Variants in XRCC2 observed in about 807,000 individuals in gnomAD.
The protein encoded by XRCC2 is X-ray repair cross complementing 2, also known as DNA repair protein XRCC2.
In XRCC2, 24 loss-of-function variants were observed where a neutral mutation model predicts 27.3. That is an observed-to-expected ratio of 0.88 (90% confidence interval 0.64 to 1.24). The LOEUF (loss-of-function observed/expected upper bound fraction) is 1.24, where lower values mean the gene tolerates loss of function less well. XRCC2 is among the 50% of genes most tolerant of loss of function. XRCC2 has a pLI of 0.00. For missense variants in XRCC2, 321 were observed against 325.8 expected, an observed-to-expected ratio of 0.99 and a Z score of 0.11; for synonymous variants, 106 against 115.4, an observed-to-expected ratio of 0.92 and a Z score of 0.52.
At chr7:152,649,410 T>C (rs1186627273) in intron 2 of XRCC2, 47 bp from the exon 3 acceptor site, 29 of 1,508,606 alleles carry the variant, frequency 1.9e-5, no homozygotes, top group Non-Finnish European at 2.6e-5. Context: ...AGCTCAAGGG[T>C]AGGTTACAAA....
chr7:152,649,203 T>C lies in XRCC2; in HGVS notation c.282A>G (p.Thr94=), dbSNP rs376598559. The C allele has an allele frequency of 1.5e-4, 236 of 1,613,734 alleles. No individual in the cohort carries two copies. The highest frequency in any genetic ancestry group is 1.9e-4 in the Non-Finnish European group (226 of 1,180,026). The change falls in exon 3 of 3, where the codon ACA becomes ACG. Residue 94 remains threonine (T), a synonymous_variant. Coordinates refer to ENST00000359321, the MANE Select transcript of XRCC2 (RefSeq NM_005431.2). ...DYHFDMLRLV[T]ILEHRLSQSS... ...TTTGGGATAGTCTGTGCTCAAGAAT[T>C]GTAACTAGCCGGAGCATATCAAAGT...
At chr7:152,672,398 A>C (rs1400958868) in intron 1 of XRCC2, among the ~76,000 whole-genome samples, 1 of 152,242 alleles carries the variant, frequency 6.6e-6, no homozygotes, top group Non-Finnish European at 1.5e-5. Context: ...TCTTTTTAAG[A>C]AAATCAACCT....
intron 2 of XRCC2, among the ~76,000 whole-genome samples, chr7:152,650,258 G>T (rs150233166): frequency 1.3e-5 from 2 of 152,174 alleles, no homozygotes; most frequent in African/African-American, 4.8e-5. Context: ...AACCTTACAC[G>T]TTCCCAAACT....
At chr7:152,657,525 A>G (rs1328211939) in intron 2 of XRCC2, among the ~76,000 whole-genome samples, 7 of 152,118 alleles carry the variant, frequency 4.6e-5, no homozygotes, top group Admixed American at 1.3e-4. Flanking sequence ...TTCTGACCTC[A>G]GGTGATCCAC....
intron 1 of XRCC2, among the ~76,000 whole-genome samples, chr7:152,673,017 G>A (rs2098038760): frequency 6.6e-6 from 1 of 152,082 alleles, no homozygotes; most frequent in South Asian, 2.1e-4. Flanking sequence ...CACAATCTCA[G>A]TGAGATATAA....
intron 1 of XRCC2, among the ~76,000 whole-genome samples, chr7:152,674,693 T>TA (rs1441555382): frequency 8.6e-6 from 1 of 115,830 alleles, no homozygotes; most frequent in African/African-American, 3.7e-5. Context: ...AAATATATTT[T>TA]TAAATATATA....
intron 2 of XRCC2, among the ~76,000 whole-genome samples, chr7:152,657,184 C>T (rs528446669): frequency 3.4e-5 from 5 of 145,076 alleles, no homozygotes; most frequent in East Asian, 4.2e-4. Flanking sequence ...TGCAGTGAGC[C>T]GAGATCACAC....
Position 152,649,128 on chromosome 7 carries a change from G to A in XRCC2, c.357C>T (p.Tyr119=), listed in dbSNP as rs1057522562. 6.2e-7 allele frequency: 1 copy of A among 1,613,748 alleles called. No homozygotes were observed. Among genetic ancestry groups the A allele is most frequent in the Non-Finnish European group, 8.5e-7 (1 of 1,179,908 alleles). ...GAAGTAAGTGGGTGCTACTACTGCA[G>A]TACACCAAAAAAAATCTTCCCAGGC... is the stretch of plus-strand genomic sequence containing the variant. ...KYCLGRFFLV[Y]CSSSTHLLLT... The change falls in exon 3 of 3, where the codon TAC becomes TAT. Residue 119 remains tyrosine, a synonymous_variant. Coordinates refer to ENST00000359321, the MANE Select transcript of XRCC2 (RefSeq NM_005431.2).
chr7:152,661,940 T>G (rs2098033281), intron 1 of XRCC2, among the ~76,000 whole-genome samples: 1 of 152,210 alleles, frequency 6.6e-6, no homozygotes. Context: ...ATTAAATATG[T>G]GAAAAGAGTA....
At chr7:152,670,025 A>G (rs979665673) in intron 1 of XRCC2, among the ~76,000 whole-genome samples, 1 of 152,096 alleles carries the variant, frequency 6.6e-6, no homozygotes, top group African/African-American at 2.4e-5. Flanking sequence ...AGAGTTGGCC[A>G]ATTCTAATCT....
At chr7:152,674,164 G>A (rs983896239) in intron 1 of XRCC2, among the ~76,000 whole-genome samples, 1 of 152,184 alleles carries the variant, frequency 6.6e-6, no homozygotes, top group African/African-American at 2.4e-5. Flanking sequence ...GTATGAGCTA[G>A]GCTTAGGATT....
chr7:152,673,044 G>A (rs1185414471), intron 1 of XRCC2, among the ~76,000 whole-genome samples: 1 of 152,010 alleles, frequency 6.6e-6, no homozygotes, highest in Non-Finnish European at 1.5e-5. Flanking sequence ...AAATCCTATT[G>A]CTACTGTGCA....
At chr7:152,674,543 C>T (rs914084999) in intron 1 of XRCC2, among the ~76,000 whole-genome samples, 2 of 151,022 alleles carry the variant, frequency 1.3e-5, no homozygotes, top group Non-Finnish European at 2.9e-5. Context: ...ACCCGGGAGG[C>T]GGAAGTTGCA....
rs3218409 is a variant in XRCC2, at chr7:152,670,353, G to A, written c.39+5688C>T. Among the ~76,000 whole-genome samples, 883 of 152,244 alleles carry A rather than the reference G, an allele frequency of 5.8e-3. 2 individuals are homozygous for A. Among genetic ancestry groups the A allele is most frequent in the Non-Finnish European group, 9.2e-3 (627 of 68,006 alleles). On this transcript the variant is annotated intron_variant, in intron 1 of 2. Coordinates refer to ENST00000359321, the MANE Select transcript of XRCC2 (RefSeq NM_005431.2). Reference sequence around the variant, plus strand: ...TCCAAAATGCAATGCTTTATGCTTGGCAGAAACTTAATAGCTGCCTAGTAA... The same window carrying A: ...TCCAAAATGCAATGCTTTATGCTTGACAGAAACTTAATAGCTGCCTAGTAA...
rs552655975 is a variant in XRCC2 at position 152,662,932 on chromosome 7, A to G, written c.40-2150T>C. Among the ~76,000 whole-genome samples, 21 of 152,230 alleles carry G rather than the reference A, an allele frequency of 1.4e-4. No individual in the cohort carries two copies. In the East Asian group the frequency reaches 4.1e-3, roughly 29 times the overall value. On this transcript the variant is annotated intron_variant, in intron 1 of 2. Coordinates refer to ENST00000359321, the MANE Select transcript of XRCC2 (RefSeq NM_005431.2). ...GAAAGACTTCCTCAAGTGATGAAAA[A>G]GTTCTATGCATTAATTTAACAGGCG...
intron 2 of XRCC2, among the ~76,000 whole-genome samples, chr7:152,654,924 T>C (rs1400869923): frequency 1.3e-5 from 2 of 152,246 alleles, no homozygotes; most frequent in Non-Finnish European, 2.9e-5. Flanking sequence ...TCAGTTTTAC[T>C]GATTTTATAA....
At chr7:152,651,369 C>T (rs925402371) in intron 2 of XRCC2, among the ~76,000 whole-genome samples, 2 of 151,296 alleles carry the variant, frequency 1.3e-5, no homozygotes, top group Non-Finnish European at 2.9e-5. Flanking sequence ...AGGAGGATCA[C>T]TTGAGCCCAA....
intron 1 of XRCC2, among the ~76,000 whole-genome samples, chr7:152,668,239 G>A (rs572046009): frequency 1.8e-4 from 28 of 152,160 alleles, no homozygotes; most frequent in African/African-American, 6.3e-4. Context: ...TCTGTCCCAC[G>A]TGGGACATGA....
In XRCC2 at chr7:152,648,822, T is replaced by G. The variant is rs1310464156; in HGVS notation, c.663A>C (p.Ile221=). The part of the protein sequence containing the change: ...HASRRLCDVD[I]DYRPYLCKAW... ...CCTTACAGAGATAAGGTCTGTAGTC[T>G]ATGTCCACATCACACAGTCGTCGAG... Residue 221 remains isoleucine, a synonymous_variant, in exon 3 of 3, where the codon ATA becomes ATC. Coordinates refer to ENST00000359321, the MANE Select transcript of XRCC2 (RefSeq NM_005431.2). The G allele has an allele frequency of 6.2e-7, 1 of 1,614,028 alleles. No individual in the cohort carries two copies.
Sources: allele counts gnomAD v4.1 joint callset (sites outside exome capture counted in the v4.1 genomes callset), GRCh38; gene constraint gnomAD v4.1.1; transcripts MANE v1.5; gene names NCBI Gene and HGNC (gene_info 2026-07-23, HGNC 2026-07-21).